BSG: variants seen among roughly 807,000 people sequenced by gnomAD.
BSG encodes the protein basigin.
Under a neutral mutation model 43.1 loss-of-function variants are expected in BSG, and 37 were observed. The ratio of observed to expected loss-of-function variants is 0.86; its 90% CI spans 0.66 to 1.13. The LOEUF (loss-of-function observed/expected upper bound fraction) is 1.13. BSG is among the 50% of genes most tolerant of loss of function. The pLI, the probability that BSG is intolerant of heterozygous loss-of-function variation, is 0.00. For missense variants in BSG, 599 were observed against 554.2 expected, an observed-to-expected ratio of 1.08 and a Z score of -0.81; for synonymous variants, 309 against 238.7, an observed-to-expected ratio of 1.29 and a Z score of -2.72.
intron 8 of BSG, 81 bp from the exon 9 acceptor site, chr19:582,669 C>T (rs1982437860): frequency 2.2e-6 from 3 of 1,388,356 alleles, no homozygotes; most frequent in African/African-American, 2.9e-5. Context: ...GCGGGATCTG[C>T]TAGCCAGGTG....
chr19:578,850 C>G (rs1468567507), intron 2 of BSG: 2 of 361,136 alleles, frequency 5.5e-6, no homozygotes. Context: ...TCTGCCTCAG[C>G]CTCCTGAGTA....
At chr19:572,448 C>G (rs1184067620), upstream of BSG, 1 of 1,149,392 alleles carries the variant, frequency 8.7e-7, no homozygotes, top group African/African-American at 1.6e-5. Context: ...CTGCCGGAGC[C>G]GGCGCGTACA....
chr19:581,191 C>G, intron 5 of BSG, 124 bp from the exon 6 acceptor site: 4 of 774,848 alleles, frequency 5.2e-6, no homozygotes, highest in Non-Finnish European at 6.7e-6. Context: ...GACTGGGGGT[C>G]CCGGACTCAG....
intron 1 of BSG, among the ~76,000 whole-genome samples, chr19:576,345 CT>C (rs1981769971): frequency 6.6e-6 from 1 of 152,244 alleles, no homozygotes; most frequent in African/African-American, 2.4e-5. Context: ...GCTGGGCAGC[CT>C]CTGGCTGTGC....
rs1982455569 is a variant in BSG, at chr19:582,832, C to T, written c.*88C>T. 8 of 558,306 alleles carry T rather than the reference C, an allele frequency of 1.4e-5. No individual in the cohort carries two copies. The highest frequency in any genetic ancestry group is 5.3e-4 in the Middle Eastern group (2 of 3,740). 34.6% of individuals were successfully genotyped at this position (558,306 alleles called of 1,614,324 possible). On this transcript the variant is annotated 3_prime_UTR_variant, in exon 9 of 9. Coordinates refer to ENST00000333511, the MANE Select transcript of BSG (RefSeq NM_001728.4). ...TGCTTGCAAGATTCCAAGTTCTCAC[C>T]TCTTAAAGAAAACCCACCCCGTAGA...
chr19:582,199 TGAGGG>T, intron 6 of BSG, 102 bp from the exon 7 acceptor site: 1 of 1,492,058 alleles, frequency 6.7e-7, no homozygotes, highest in South Asian at 1.2e-5. Context: ...TGGGGGTCAC[TGAGGG>T]CAGGGCTGGC....
chr19:574,691 GCAGAGGCTGGGGAGGGGGCTCCTTCTTC>G (rs916369423), intron 1 of BSG, among the ~76,000 whole-genome samples: 6 of 152,262 alleles, frequency 3.9e-5, no homozygotes, highest in African/African-American at 1.4e-4. Context: ...GGGGCCTTGG[GCAGAGGCTGGGGAGGGGGCTCCTTCTTC>G]CAGAGGCTTT....
chr19:580,012 C>A (rs28992471), intron 3 of BSG: 51,376 of 407,942 alleles, frequency 0.13, 4,021 homozygotes, highest in South Asian at 0.25. Context: ...GCTCGGACCC[C>A]AGACGCTGTC....
upstream of BSG, chr19:572,498 GT>G (rs1671730797): frequency 2.3e-5 from 28 of 1,197,630 alleles, no homozygotes; most frequent in South Asian, 1.2e-4. Context: ...GGCGACCGGC[GT>G]CCCCGGCGCT....
intron 2 of BSG, chr19:579,151 A>G (rs1384861195): frequency 4.2e-6 from 2 of 480,594 alleles, no homozygotes; most frequent in South Asian, 3.1e-5. Flanking sequence ...GTCTGTCCCC[A>G]CACCCTGGTC....
upstream of BSG, chr19:571,513 G>A (rs28915397): frequency 1.5e-4 from 118 of 779,160 alleles, 2 homozygotes; most frequent in African/African-American, 1.8e-3. Flanking sequence ...GTCACCTCGG[G>A]CGGGACCCGA....
In BSG at chr19:579,345, T is replaced by C. The variant is rs1425082261; in HGVS notation, c.416-155T>C. On this transcript the variant is annotated intron_variant, in intron 2 of 8. Transcript: ENST00000333511. The stretch of plus-strand genomic sequence containing the variant: ...CCGGAGGCGTGGCCAGAAGTTCCCC[T>C]TGGGCCTCCGGTCCTCGGGGCGTAA... 3.8e-6 allele frequency: 4 copies of C among 1,042,864 alleles called. No homozygotes were observed. In the African/African-American group the frequency reaches 4.7e-5, roughly 12 times the overall value. The allele number at this position is 1,042,864 out of a possible 1,614,324, so 64.6% of individuals were successfully genotyped here.
At chr19:573,594 A>G (rs1412824246) in intron 1 of BSG, among the ~76,000 whole-genome samples, 3 of 152,060 alleles carry the variant, frequency 2.0e-5, no homozygotes, top group East Asian at 1.9e-4. Context: ...GGAAGGCGGA[A>G]TCTCCCTCTG....
intron 1 of BSG, among the ~76,000 whole-genome samples, chr19:576,671 G>C (rs1423636581): frequency 1.3e-5 from 2 of 151,912 alleles, no homozygotes; most frequent in African/African-American, 2.4e-5. Flanking sequence ...TGAGGCAGGA[G>C]AATTGCTTGA....
At chr19:582,174 G>C in intron 6 of BSG, 132 bp from the exon 7 acceptor site, 1 of 1,221,242 alleles carries the variant, frequency 8.2e-7, no homozygotes. Context: ...CTGATGAGCT[G>C]CCCCGAGCCA....
intron 6 of BSG, 106 bp from the exon 7 acceptor site, chr19:582,200 G>A (rs1982385178): frequency 6.7e-7 from 1 of 1,491,166 alleles, no homozygotes; most frequent in East Asian, 2.3e-5. Flanking sequence ...GGGGGTCACT[G>A]AGGGCAGGGC....
rs11551903 is a variant in BSG at position 579,552 on chromosome 19, C to T, written c.468C>T (p.Thr156=). The part of the protein sequence containing the change: ...VEDLGSKILL[T]CSLNDSATEV... ...ACCTTGGCTCCAAGATACTCCTCAC[C>T]TGCTCCTTGAATGACAGCGCCACAG... Residue 156 remains threonine (T), a synonymous_variant, in exon 3 of 9, where the codon ACC becomes ACT. Coordinates refer to ENST00000333511, the MANE Select transcript of BSG (RefSeq NM_001728.4). 1.2e-6 allele frequency: 2 copies of T among 1,612,796 alleles called. No homozygotes were observed. Among genetic ancestry groups the T allele is most frequent in the Non-Finnish European group, 1.7e-6 (2 of 1,179,952 alleles).
chr19:577,793 G>A lies in BSG; in HGVS notation c.87G>A (p.Pro29=), dbSNP rs181004617. The change falls in exon 2 of 9, where the codon CCG becomes CCA. Residue 29 remains proline, a synonymous_variant. Coordinates refer to ENST00000333511, the MANE Select transcript of BSG (RefSeq NM_001728.4). ...CCACAGCCGGCTTCGTCCAGGCGCC[G>A]CTGTCCCAGCAGAGGTGGGTGGGGG... The part of the protein sequence containing the change: ...ASGAAGFVQA[P]LSQQRWVGGS... 2.4e-4 allele frequency: 346 copies of A among 1,427,192 alleles called. 1 individual carries two copies. In the Middle Eastern group the frequency reaches 2.8e-3, roughly 11 times the overall value. The allele number at this position is 1,427,192 out of a possible 1,614,324, so 88.4% of individuals were successfully genotyped here.
In BSG at chr19:580,379, GGTGGACTCC is replaced by G; in HGVS notation, c.575_583del (p.Val192_Ser194del). On this transcript the variant is annotated inframe_deletion and splice_region_variant, in exon 4 of 9. Transcript: ENST00000333511. ...GCTCACCTGCCTGCTGTGGTTGCAG[GGTGGACTCC>G]GACGACCAGTGGGGAGAGTACTCCT... The G allele has an allele frequency of 6.2e-7, 1 of 1,610,682 alleles. No homozygotes were observed. Among genetic ancestry groups the G allele is most frequent in the Non-Finnish European group, 8.5e-7 (1 of 1,179,834 alleles).
Sources: allele counts gnomAD v4.1 joint callset (sites outside exome capture counted in the v4.1 genomes callset), GRCh38; gene constraint gnomAD v4.1.1; transcripts MANE v1.5; gene names NCBI Gene and HGNC (gene_info 2026-07-23, HGNC 2026-07-21).